The following MACROD2 variants were observed in gnomAD, a reference collection of about 807,000 sequenced individuals.
MACROD2 encodes mono-ADP ribosylhydrolase 2.
In MACROD2, 36 loss-of-function variants were observed where a neutral mutation model predicts 70.4. That is an observed-to-expected ratio of 0.51 (90% confidence interval 0.39 to 0.68). The LOEUF is 0.68. Ranked by LOEUF, MACROD2 falls within the 30% of genes least tolerant of loss-of-function variation. MACROD2 has a pLI of 0.00. For missense variants in MACROD2, 496 were observed against 538.4 expected, an observed-to-expected ratio of 0.92 and a Z score of 0.78; for synonymous variants, 172 against 178.8, an observed-to-expected ratio of 0.96 and a Z score of 0.30.
chr20:14,046,802 G>A (rs552772501), intron 2 of MACROD2, among the ~76,000 whole-genome samples: 3 of 151,216 alleles, frequency 2.0e-5, no homozygotes, highest in East Asian at 3.9e-4. Context: ...TTATTGATGG[G>A]TTACAAACTG....
intron 5 of MACROD2, among the ~76,000 whole-genome samples, chr20:14,995,675 C>T (rs189486265): frequency 7.9e-4 from 120 of 151,656 alleles, no homozygotes; most frequent in African/African-American, 2.7e-3. Flanking sequence ...ATTGACAAAA[C>T]GTTAAATTAA....
At chr20:15,152,081 C>G (rs556570152) in intron 5 of MACROD2, among the ~76,000 whole-genome samples, 1 of 152,040 alleles carries the variant, frequency 6.6e-6, no homozygotes, top group Non-Finnish European at 1.5e-5. Flanking sequence ...GGACGTCAGG[C>G]ATCTCAGACC....
chr20:14,380,320 A>T (rs1434333167), intron 3 of MACROD2, among the ~76,000 whole-genome samples: 5 of 152,088 alleles, frequency 3.3e-5, no homozygotes, highest in African/African-American at 1.2e-4. Context: ...TTTAACACTC[A>T]TGTGATATAT....
intron 6 of MACROD2, among the ~76,000 whole-genome samples, chr20:15,410,314 C>A (rs2046059697): frequency 6.6e-6 from 1 of 152,148 alleles, no homozygotes; most frequent in South Asian, 2.1e-4. Context: ...TATACCATAG[C>A]ATTGCATTAA....
chr20:16,047,835 C>A (rs1269827968), intron 17 of MACROD2, among the ~76,000 whole-genome samples: 1 of 152,050 alleles, frequency 6.6e-6, no homozygotes, highest in Non-Finnish European at 1.5e-5. Context: ...ATTTTAATGC[C>A]CACCTTGGAC....
At chr20:14,218,066 CT>C (rs1235320311) in intron 3 of MACROD2, among the ~76,000 whole-genome samples, 1 of 152,092 alleles carries the variant, frequency 6.6e-6, no homozygotes, top group Non-Finnish European at 1.5e-5. Context: ...TCCATTGTTT[CT>C]TTTTTGACTT....
At chr20:15,168,391 G>C (rs577564982) in intron 5 of MACROD2, among the ~76,000 whole-genome samples, 1 of 151,584 alleles carries the variant, frequency 6.6e-6, no homozygotes, top group East Asian at 1.9e-4. Context: ...GCTGCCAAAA[G>C]TTTGCCGACA....
chr20:14,974,301 G>A (rs2074718229), intron 5 of MACROD2, among the ~76,000 whole-genome samples: 1 of 152,152 alleles, frequency 6.6e-6, no homozygotes, highest in Non-Finnish European at 1.5e-5. Context: ...GGGCACCGAT[G>A]TTCAAACTAT....
intron 7 of MACROD2, among the ~76,000 whole-genome samples, chr20:15,458,784 G>A (rs569039655): frequency 6.6e-6 from 1 of 152,142 alleles, no homozygotes; most frequent in South Asian, 2.1e-4. Context: ...TGGCTCTTCT[G>A]GACCTGGCAG....
At chr20:14,043,222 C>G (rs2148641472) in intron 2 of MACROD2, among the ~76,000 whole-genome samples, 1 of 152,196 alleles carries the variant, frequency 6.6e-6, no homozygotes, top group Non-Finnish European at 1.5e-5. Flanking sequence ...TTCTGGCTCC[C>G]CTGGGTTGTT....
intron 5 of MACROD2, among the ~76,000 whole-genome samples, chr20:14,762,750 C>T (rs139945815): frequency 2.0e-5 from 3 of 151,774 alleles, no homozygotes; most frequent in Admixed American, 6.6e-5. Flanking sequence ...TGCAACATGA[C>T]GAAACTCTGT....
intron 3 of MACROD2, among the ~76,000 whole-genome samples, chr20:14,387,407 A>G (rs2083480563): frequency 6.6e-6 from 1 of 152,276 alleles, no homozygotes; most frequent in Middle Eastern, 3.4e-3. Flanking sequence ...TGTGGTCACT[A>G]AAGTCTCTGT....
intron 5 of MACROD2, among the ~76,000 whole-genome samples, chr20:14,846,016 T>C (rs1247337566): frequency 6.6e-6 from 1 of 152,128 alleles, no homozygotes; most frequent in Non-Finnish European, 1.5e-5. Flanking sequence ...ATTTTTTTAA[T>C]TTATCCAGGT....
intron 5 of MACROD2, among the ~76,000 whole-genome samples, chr20:14,931,913 G>A (rs2074299149): frequency 6.6e-6 from 1 of 151,206 alleles, no homozygotes. Context: ...GAGCTGGGAG[G>A]ATCACTTCAG....
At chr20:15,215,131 G>A (rs763872812) in intron 5 of MACROD2, among the ~76,000 whole-genome samples, 2 of 151,908 alleles carry the variant, frequency 1.3e-5, no homozygotes, top group Non-Finnish European at 2.9e-5. Context: ...TAAAAGATGA[G>A]GTATAAAATA....
At chr20:15,031,327 A>G (rs779245235) in intron 5 of MACROD2, among the ~76,000 whole-genome samples, 7 of 152,164 alleles carry the variant, frequency 4.6e-5, no homozygotes, top group African/African-American at 9.7e-5. Context: ...GTCGCTGGCA[A>G]TGTGGCAAGC....
At position 15,408,888 on chromosome 20, in the gene MACROD2, G is replaced by A. The variant is rs541122235; in HGVS notation, c.541-22517G>A. Among the ~76,000 whole-genome samples, 4 of 152,286 alleles carry A rather than the reference G, an allele frequency of 2.6e-5. No individual in the cohort carries two copies. The South Asian group carries it at 8.3e-4, about 32-fold the overall frequency. ...AAAATGGGATCATTTTATCTCTTCTGCTTCAAGGTAAGCTCTTTGGTTTCA... is the reference window on the plus strand; with the variant it reads ...AAAATGGGATCATTTTATCTCTTCTACTTCAAGGTAAGCTCTTTGGTTTCA... On this transcript the variant is annotated intron_variant, in intron 6 of 17. Transcript: ENST00000684519.
At chr20:16,025,281 T>G (rs77597611) in intron 15 of MACROD2, among the ~76,000 whole-genome samples, 4,572 of 152,174 alleles carry the variant, frequency 0.03, 202 homozygotes, top group East Asian at 0.22. Context: ...ACACAGAGAA[T>G]GAAGTCAGCT....
chr20:14,441,722 G>T (rs2084125700), intron 3 of MACROD2, among the ~76,000 whole-genome samples: 1 of 152,166 alleles, frequency 6.6e-6, no homozygotes, highest in South Asian at 2.1e-4. Flanking sequence ...GGAAATGTCT[G>T]CTGGCATATT....
Sources: allele counts gnomAD v4.1 joint callset (sites outside exome capture counted in the v4.1 genomes callset), GRCh38; gene constraint gnomAD v4.1.1; transcripts MANE v1.5; gene names NCBI Gene and HGNC (gene_info 2026-07-23, HGNC 2026-07-21).